Variants in AGAP1 observed in about 807,000 individuals in gnomAD.
The protein encoded by AGAP1 is ArfGAP with GTPase domain, ankyrin repeat and PH domain 1.
In AGAP1, 29 loss-of-function variants were observed where a neutral mutation model predicts 105.3. That is an observed-to-expected ratio of 0.28 (90% CI 0.21 to 0.38). The LOEUF (loss-of-function observed/expected upper bound fraction) is 0.38, where lower values mean the gene tolerates loss of function less well. Among genes scored for constraint, AGAP1 ranks in the 10% least tolerant of loss-of-function variants. AGAP1 has a pLI of 1.00. For synonymous variants in AGAP1, 509 were observed against 485.9 expected, an observed-to-expected ratio of 1.05 and a Z score of -0.63; for missense variants, 998 against 1,165.1, an observed-to-expected ratio of 0.86 and a Z score of 2.09.
chr2:235,547,794 T>C (rs1943676150), intron 1 of AGAP1, among the ~76,000 whole-genome samples: 3 of 152,196 alleles, frequency 2.0e-5, no homozygotes, highest in African/African-American at 7.2e-5. Flanking sequence ...TGCCCGGCCA[T>C]GAGTCCTTTC....
At chr2:235,627,756 C>T (rs1013249527) in intron 1 of AGAP1, among the ~76,000 whole-genome samples, 1 of 152,104 alleles carries the variant, frequency 6.6e-6, no homozygotes, top group African/African-American at 2.4e-5. Flanking sequence ...AGATTATTCA[C>T]AGTTGGGGCT....
At chr2:235,807,168 CAAACAGGG>C in intron 8 of AGAP1, 63 bp from the exon 9 acceptor site, 2 of 1,481,226 alleles carry the variant, frequency 1.4e-6, no homozygotes, top group Admixed American at 4.2e-5. Context: ...AGGAATTCTG[CAAACAGGG>C]GCAGAGCCCC....
At chr2:236,007,756 A>G (rs1471945004) in intron 13 of AGAP1, among the ~76,000 whole-genome samples, 2 of 152,236 alleles carry the variant, frequency 1.3e-5, no homozygotes, top group Non-Finnish European at 2.9e-5. Context: ...TTTCTGTCTC[A>G]GGAGGGCTAA....
intron 16 of AGAP1, among the ~76,000 whole-genome samples, chr2:236,074,224 TCTC>T (rs772820689): frequency 1.3e-5 from 2 of 151,984 alleles, no homozygotes; most frequent in African/African-American, 4.8e-5. Context: ...ATAAGTGACT[TCTC>T]CTAACATCAG....
At chr2:235,731,505 C>T (rs1346189495) in intron 3 of AGAP1, among the ~76,000 whole-genome samples, 2 of 152,110 alleles carry the variant, frequency 1.3e-5, no homozygotes, top group African/African-American at 2.4e-5. Flanking sequence ...ATTATGGCTG[C>T]GTATTAGGAA....
At chr2:235,542,692 G>C (rs556073741) in intron 1 of AGAP1, among the ~76,000 whole-genome samples, 1 of 152,272 alleles carries the variant, frequency 6.6e-6, no homozygotes, top group East Asian at 1.9e-4. Context: ...ATAAAAAGTT[G>C]ATTTTCTTGG....
Position 235,664,459 on chromosome 2 carries a change from C to G in AGAP1, c.164-44720C>G, listed in dbSNP as rs1948063995. ...TCTCAAACTCCTGATCTCAGGTGAT[C>G]CACCTGCCTTGGCCTCCCAAAGTGC... On this transcript the variant is annotated intron_variant, in intron 1 of 17. Transcript: ENST00000304032. The surrounding 1 kb of genome is among the most constrained non-coding windows in gnomAD (Gnocchi z 5.7). Among the ~76,000 whole-genome samples the G allele has an allele frequency of 6.6e-6, 1 of 152,122 alleles. No individual in the cohort carries two copies. The highest frequency in any genetic ancestry group is 2.4e-5 in the African/African-American group (1 of 41,420).
At chr2:235,763,075 TGCACCTGCC>T (rs1374698619) in intron 6 of AGAP1, among the ~76,000 whole-genome samples, 13 of 90,492 alleles carry the variant, frequency 1.4e-4, no homozygotes, top group Non-Finnish European at 2.7e-4. Context: ...CGCGCACACG[TGCACCTGCC>T]GTGTTTGAAA....
rs565640597 is a variant in AGAP1 at position 235,886,204 on chromosome 2, G to T, written c.1155+2755G>T. Among the ~76,000 whole-genome samples the T allele has an allele frequency of 2.6e-5, 4 of 152,318 alleles. No homozygotes were observed. In the South Asian group the frequency reaches 8.3e-4, roughly 32 times the overall value. ...CCTATGGACCCTGTCAGAGAGCAGA[G>T]GTCTAACTATTGAACCAGTCGCTTT... is the stretch of plus-strand genomic sequence containing the variant. On this transcript the variant is annotated intron_variant, in intron 10 of 17. Coordinates refer to ENST00000304032, the MANE Select transcript of AGAP1 (RefSeq NM_001037131.3).
Position 235,967,247 on chromosome 2 carries a change from C to T in AGAP1, c.1484-1215C>T, listed in dbSNP as rs564858925. On this transcript the variant is annotated intron_variant, in intron 12 of 17. Coordinates refer to ENST00000304032, the MANE Select transcript of AGAP1 (RefSeq NM_001037131.3). The surrounding 1 kb of genome is among the most constrained non-coding windows in gnomAD (Gnocchi z 4.7). ...CTCTGCTCTCATTACCTTCTCACTC[C>T]TCTGCCATTTTCAAGTCTTGATTCA... 6.6e-6 allele frequency among the ~76,000 whole-genome samples: 1 copy of T among 152,192 alleles called. No homozygotes were observed. Among genetic ancestry groups the T allele is most frequent in the South Asian group, 2.1e-4 (1 of 4,824 alleles).
intron 1 of AGAP1, among the ~76,000 whole-genome samples, chr2:235,647,120 CA>C (rs72255791): frequency 0.038 from 4,523 of 117,520 alleles, 153 homozygotes; most frequent in African/African-American, 0.11. Flanking sequence ...GACTCCGTCT[CA>C]AAAAAAAAAA....
rs1456889273 is a variant in AGAP1, at chr2:236,062,051, T to G, written c.2114+12770T>G. On this transcript the variant is annotated intron_variant, in intron 16 of 17. Transcript: ENST00000304032. This position sits in a 1 kb window ranked among gnomAD's most constrained non-coding sequence, Gnocchi z 4.2. Reference sequence around the variant, plus strand: ...CCTCCTCAGGCCTGGGGAGTAGAGCTCTGAGCAGGATGTGCACTGCAGCCA... The same window carrying G: ...CCTCCTCAGGCCTGGGGAGTAGAGCGCTGAGCAGGATGTGCACTGCAGCCA... Among the ~76,000 whole-genome samples, 2 of 152,022 alleles carry G rather than the reference T, an allele frequency of 1.3e-5. No homozygotes were observed. Among genetic ancestry groups the G allele is most frequent in the Non-Finnish European group, 2.9e-5 (2 of 67,998 alleles).
rs928390002 is a variant in AGAP1, at chr2:236,055,976, A to G, written c.2114+6695A>G. On this transcript the variant is annotated intron_variant, in intron 16 of 17. Transcript: ENST00000304032. This position sits in a 1 kb window ranked among gnomAD's most constrained non-coding sequence, Gnocchi z 6.2. ...TATTAAGCCAATTAGGAAAATGTAC[A>G]AATGAGAAGTACGTTAACACTGCCT... is the stretch of plus-strand genomic sequence containing the variant. Among the ~76,000 whole-genome samples, 2 of 152,204 alleles carry G rather than the reference A, an allele frequency of 1.3e-5. No homozygotes were observed. The highest frequency in any genetic ancestry group is 6.5e-5 in the Admixed American group (1 of 15,284).
At position 236,001,720 on chromosome 2, in the gene AGAP1, C is replaced by T. The variant is rs763044801; in HGVS notation, c.1645+33097C>T. Among the ~76,000 whole-genome samples the T allele has an allele frequency of 1.3e-5, 2 of 152,128 alleles. No individual in the cohort carries two copies. The highest frequency in any genetic ancestry group is 2.9e-5 in the Non-Finnish European group (2 of 68,030). On this transcript the variant is annotated intron_variant, in intron 13 of 17. Coordinates refer to ENST00000304032, the MANE Select transcript of AGAP1 (RefSeq NM_001037131.3). This position sits in a 1 kb window ranked among gnomAD's most constrained non-coding sequence, Gnocchi z 4.7. ...GTTTTGTTTCTGTATAAGATCATAC[C>T]ATGTATATTCTGGAATTTTACTTTT...
In AGAP1 at chr2:235,709,393, T is replaced by C. The variant is rs187067903; in HGVS notation, c.222+156T>C. ...GGAAGGGCCAGGTATAGTTGATAGCTTGGGACTAGAGTCCAAGTTCCTGAG... is the reference window on the plus strand; with the variant it reads ...GGAAGGGCCAGGTATAGTTGATAGCCTGGGACTAGAGTCCAAGTTCCTGAG... On this transcript the variant is annotated intron_variant, in intron 2 of 17. Transcript: ENST00000304032. Among the ~76,000 whole-genome samples the C allele has an allele frequency of 2.0e-5, 3 of 152,246 alleles. No individual in the cohort carries two copies. In the East Asian group the frequency reaches 5.8e-4, roughly 30 times the overall value.
intron 11 of AGAP1, among the ~76,000 whole-genome samples, chr2:235,915,172 C>T (rs2051812561): frequency 6.6e-6 from 1 of 152,144 alleles, no homozygotes; most frequent in Non-Finnish European, 1.5e-5. Context: ...AAAACCCCTT[C>T]ATCTGCCTCA....
chr2:235,542,852 GC>G (rs901032924), intron 1 of AGAP1, among the ~76,000 whole-genome samples: 1 of 152,160 alleles, frequency 6.6e-6, no homozygotes, highest in Non-Finnish European at 1.5e-5. Flanking sequence ...TCAGACCGAG[GC>G]CCCTCCTGTA....
At position 235,958,328 on chromosome 2, in the gene AGAP1, T is replaced by C. The variant is rs528204641; in HGVS notation, c.1484-10134T>C. Among the ~76,000 whole-genome samples, 2 of 151,920 alleles carry C rather than the reference T, an allele frequency of 1.3e-5. No individual in the cohort carries two copies. Among genetic ancestry groups the C allele is most frequent in the African/African-American group, 4.8e-5 (2 of 41,454 alleles). ...AGGGAAGATCTGACCCGGGAGAGGATTAGGGCCCTGCTAACGGCAGCAGTA... is the reference window on the plus strand; with the variant it reads ...AGGGAAGATCTGACCCGGGAGAGGACTAGGGCCCTGCTAACGGCAGCAGTA... On this transcript the variant is annotated intron_variant, in intron 12 of 17. Transcript: ENST00000304032. The surrounding 1 kb of genome is among the most constrained non-coding windows in gnomAD (Gnocchi z 4.1).
At chr2:235,526,166 A>G (rs71361986) in intron 1 of AGAP1, among the ~76,000 whole-genome samples, 851 of 3,668 alleles carry the variant, frequency 0.23, 358 homozygotes, top group East Asian at 1. Context: ...TTTATAAAGT[A>G]GAGGACTGAC....
Sources: gnomAD v4.1 joint callset for allele counts (sites outside exome capture counted in the v4.1 genomes callset) on GRCh38, gnomAD v4.1.1 for gene constraint, Gnocchi (gnomAD v3.1) non-coding constraint, MANE v1.5 for transcripts, NCBI Gene and HGNC (gene_info 2026-07-23, HGNC 2026-07-21) for gene names.